The following COL6A6 variants were observed in gnomAD, a reference collection of about 807,000 sequenced individuals.
COL6A6 encodes collagen alpha-6(VI) chain.
A neutral mutation model predicts 208.6 loss-of-function variants in COL6A6; 183 were observed. The observed-to-expected ratio is 0.88, with a 90% confidence interval of 0.78 to 0.99. COL6A6 has a LOEUF of 0.99. Ranked by LOEUF, COL6A6 falls within the 50% of genes least tolerant of loss-of-function variation. COL6A6 has a pLI of 0.00. For missense variants in COL6A6, 2,816 were observed against 2,815.2 expected, an observed-to-expected ratio of 1.00 and a Z score of -0.01; for synonymous variants, 973 against 1,011.8, an observed-to-expected ratio of 0.96 and a Z score of 0.73.
At chr3:130,590,254 C>CAT (rs1299611852) in intron 12 of COL6A6, among the ~76,000 whole-genome samples, 117 of 11,672 alleles carry the variant, frequency 0.01, 1 homozygote, top group Non-Finnish European at 0.014. Flanking sequence ...CTTTTTTTTT[C>CAT]ATATATATAT....
At chr3:130,650,072 G>A (rs999666871) in intron 33 of COL6A6, among the ~76,000 whole-genome samples, 1 of 152,202 alleles carries the variant, frequency 6.6e-6, no homozygotes, top group African/African-American at 2.4e-5. Flanking sequence ...TGCAGTTATA[G>A]CTTCTTAGCT....
At chr3:130,570,402 A>C (rs371182829) in intron 6 of COL6A6, among the ~76,000 whole-genome samples, 2 of 152,380 alleles carry the variant, frequency 1.3e-5, no homozygotes, top group Admixed American at 6.5e-5. Context: ...TTATATTAAG[A>C]ATACAAATCT....
In COL6A6 at chr3:130,621,901, T is replaced by C; in HGVS notation, c.4878+18T>C. 1.2e-6 allele frequency: 2 copies of C among 1,606,978 alleles called. No individual in the cohort carries two copies. Among genetic ancestry groups the C allele is most frequent in the Non-Finnish European group, 1.7e-6 (2 of 1,173,600 alleles). The stretch of plus-strand genomic sequence containing the variant: ...GAAATAAAGTAGGTCACATTCTTTA[T>C]ACTCACCAAAGTTGAGGTTTTCTGC... On this transcript the variant is annotated intron_variant, in intron 24 of 36. Transcript: ENST00000358511.
chr3:130,675,307 AGAT>A lies in COL6A6; in HGVS notation c.6707_6709del (p.Asp2236del). 6.3e-7 allele frequency: 1 copy of A among 1,596,160 alleles called. No homozygotes were observed. The highest frequency in any genetic ancestry group is 8.5e-7 in the Non-Finnish European group (1 of 1,170,360). On this transcript the variant is annotated inframe_deletion, in exon 37 of 37. Coordinates refer to ENST00000358511, the MANE Select transcript of COL6A6 (RefSeq NM_001102608.3). Reference sequence around the variant, plus strand: ...TTTCAAGAGTAGCAAGAAGTGGCAGAGATGATGCTATTCAAAATTTTATGAGAA... The same window carrying A: ...TTTCAAGAGTAGCAAGAAGTGGCAGAGATGCTATTCAAAATTTTATGAGAA...
chr3:130,642,243 A>ATGTGTGTG (rs3074299), intron 29 of COL6A6, among the ~76,000 whole-genome samples: 2,245 of 142,156 alleles, frequency 0.016, 51 homozygotes, highest in African/African-American at 0.045. Context: ...GACAGATTAT[A>ATGTGTGTG]TGTGTGTGTG....
At chr3:130,607,479 CTTATAA>C (rs1027131046) in intron 21 of COL6A6, among the ~76,000 whole-genome samples, 9 of 152,034 alleles carry the variant, frequency 5.9e-5, no homozygotes, top group Non-Finnish European at 1.2e-4. Context: ...GTGGTTGTGA[CTTATAA>C]TTTTATAAAA....
At chr3:130,570,751 G>A (rs1232944302) in intron 6 of COL6A6, 67 bp from the exon 7 acceptor site, 3 of 1,206,030 alleles carry the variant, frequency 2.5e-6, no homozygotes, top group Admixed American at 4.2e-5. Flanking sequence ...TTTATAAAAA[G>A]GTTGAGGCGT....
rs369616027 is a variant in COL6A6 at position 130,542,975 on chromosome 3, G to A, written c.-31-17359G>A. On this transcript the variant is annotated intron_variant, in intron 1 of 36. Transcript: ENST00000358511. ...GGTTGGAGTGCAATGGCACCATCTCGGCTCACTGCAACCTCCGCCTCCCGG... is the reference window on the plus strand; with the variant it reads ...GGTTGGAGTGCAATGGCACCATCTCAGCTCACTGCAACCTCCGCCTCCCGG... 5.7e-4 allele frequency among the ~76,000 whole-genome samples: 81 copies of A among 142,732 alleles called. 1 individual carries two copies. The South Asian group carries it at 0.017, about 31-fold the overall frequency. The allele number at this position is 142,732 out of a possible 152,430, so 93.6% of individuals were successfully genotyped here.
intron 35 of COL6A6, 87 bp from the exon 36 acceptor site, chr3:130,664,916 A>T: frequency 1.2e-6 from 1 of 829,644 alleles, no homozygotes; most frequent in Non-Finnish European, 1.9e-6. Flanking sequence ...TATTTAAAAC[A>T]GTAAAGTGGC....
intron 28 of COL6A6, among the ~76,000 whole-genome samples, chr3:130,638,712 A>G (rs926693185): frequency 1.5e-5 from 1 of 67,306 alleles, no homozygotes; most frequent in Admixed American, 2.4e-4. Context: ...GGATATTCCA[A>G]CAGTTCTGGG....
rs1466644271 is a variant in COL6A6 at position 130,662,137 on chromosome 3, C to G, written c.6331C>G (p.Gln2111Glu). ...LKKESLRAKCQGYALFVFSLG... is the reference protein window; with the variant it reads ...LKKESLRAKCEGYALFVFSLG... ...GAAGGAATCCTTGCGAGCCAAATGTCAGGGATATGCCTTATTTGTGTTTTC... is the reference window on the plus strand; with the variant it reads ...GAAGGAATCCTTGCGAGCCAAATGTGAGGGATATGCCTTATTTGTGTTTTC... The change falls in exon 35 of 37, where the codon CAG becomes GAG. Residue 2111 changes from glutamine to glutamate, a missense_variant. Physicochemically the swap from Gln to Glu is conservative, Grantham distance 29. Transcript: ENST00000358511. 1.9e-6 allele frequency: 3 copies of G among 1,613,880 alleles called. No homozygotes were observed. In the East Asian group the frequency reaches 6.7e-5, roughly 36 times the overall value.
intron 33 of COL6A6, among the ~76,000 whole-genome samples, chr3:130,657,370 C>T (rs1240343269): frequency 1.3e-5 from 2 of 152,352 alleles, no homozygotes; most frequent in East Asian, 1.9e-4. Flanking sequence ...TCGAGCAGCC[C>T]TCAGAACCAG....
chr3:130,654,987 C>CA (rs766620258), intron 33 of COL6A6, among the ~76,000 whole-genome samples: 209 of 152,212 alleles, frequency 1.4e-3, no homozygotes, highest in Non-Finnish European at 7.1e-4. Flanking sequence ...TTGGTGGGTT[C>CA]AGGTGGAGCC....
intron 27 of COL6A6, 105 bp from the exon 28 acceptor site, chr3:130,635,594 C>T: frequency 6.8e-6 from 5 of 737,716 alleles, no homozygotes. Flanking sequence ...GTTAAAAATG[C>T]ATACGAAAAA....
At chr3:130,521,350 C>G (rs1711058550) in intron 1 of COL6A6, among the ~76,000 whole-genome samples, 1 of 152,190 alleles carries the variant, frequency 6.6e-6, no homozygotes, top group Admixed American at 6.5e-5. Flanking sequence ...ATAAGCAAGT[C>G]ACAGTCATAT....
intron 23 of COL6A6, among the ~76,000 whole-genome samples, chr3:130,610,981 A>G (rs2064341036): frequency 6.6e-6 from 1 of 152,086 alleles, no homozygotes. Flanking sequence ...CCTGATCTCA[A>G]TTCTCTTGGG....
Position 130,563,659 on chromosome 3 carries a change from T to C in COL6A6, c.656T>C (p.Val219Ala), listed in dbSNP as rs190071598. The change falls in exon 3 of 37, where the codon GTA (valine) becomes GCA (alanine). Residue 219 changes from valine to alanine, a missense_variant. Coordinates refer to ENST00000358511, the MANE Select transcript of COL6A6 (RefSeq NM_001102608.3). ...GAGGGAGCAGTTGATGACATCTTTG[T>C]AGAAGGTGGGCTTAGGATATGTGTA... ...YKEGAVDDIF[V>A]EACQGPSMAD... The C allele has an allele frequency of 1.6e-4, 257 of 1,600,808 alleles. No individual in the cohort carries two copies. The East Asian group carries it at 5.1e-3, about 32-fold the overall frequency.
chr3:130,565,255 C>A lies in COL6A6; in HGVS notation c.923C>A (p.Thr308Asn). 1 of 1,614,036 alleles carries A rather than the reference C, an allele frequency of 6.2e-7. No individual in the cohort carries two copies. The highest frequency in any genetic ancestry group is 8.5e-7 in the Non-Finnish European group (1 of 1,179,892). Residue 308 changes from threonine (T) to asparagine (N), a missense_variant, in exon 4 of 37, where the codon ACT becomes AAT. Thr to Asn is a moderately conservative substitution (Grantham distance 65). Transcript: ENST00000358511. ...TCTCCCCGAACTGGGAAGGCCTATA[C>A]TGGAGCTGCCATCAAAAAGCTCAGG... Reference protein sequence around the residue: ...NLSPRTGKAYTGAAIKKLRKE... With the variant: ...NLSPRTGKAYNGAAIKKLRKE...
At chr3:130,665,231 A>C (rs2066045345) in intron 36 of COL6A6, 135 bp downstream of exon 36, 1 of 581,118 alleles carries the variant, frequency 1.7e-6, no homozygotes, top group Non-Finnish European at 3.1e-6. Flanking sequence ...TGATATTAAA[A>C]TATAATTCGA....
Sources: allele counts gnomAD v4.1 joint callset (sites outside exome capture counted in the v4.1 genomes callset), GRCh38; gene constraint gnomAD v4.1.1; transcripts MANE v1.5; gene names NCBI Gene and HGNC (gene_info 2026-07-23, HGNC 2026-07-21).